RORA: variants seen among roughly 807,000 people sequenced by gnomAD.
The protein encoded by RORA is RAR related orphan receptor A.
Under a neutral mutation model 69.5 loss-of-function variants are expected in RORA, and 7 were observed. The observed-to-expected ratio is 0.10, with a 90% CI of 0.06 to 0.19. RORA has a LOEUF of 0.19. RORA is among the 10% of genes least tolerant of loss of function. RORA has a pLI of 1.00. For missense variants in RORA, 457 were observed against 663.0 expected, an observed-to-expected ratio of 0.69 and a Z score of 3.41; for synonymous variants, 261 against 240.8, an observed-to-expected ratio of 1.08 and a Z score of -0.78.
At chr15:60,678,792 G>T (rs770753545) in intron 1 of RORA, 106 bp from the exon 2 acceptor site, 107 of 931,648 alleles carry the variant, frequency 1.1e-4, no homozygotes, top group Non-Finnish European at 1.8e-4. Context: ...TTCAGATGGG[G>T]AAGTGGAAGC....
At chr15:61,056,871 G>A (rs2078103897) in intron 1 of RORA, among the ~76,000 whole-genome samples, 2 of 152,204 alleles carry the variant, frequency 1.3e-5, no homozygotes, top group Non-Finnish European at 1.5e-5. Context: ...TTTCCAAAGG[G>A]CTTCTCACAG....
chr15:61,029,967 C>T (rs1277720449), intron 1 of RORA, among the ~76,000 whole-genome samples: 1 of 152,086 alleles, frequency 6.6e-6, no homozygotes, highest in African/African-American at 2.4e-5. Context: ...ATGATCCTGC[C>T]CCAGTGAGAT....
intron 1 of RORA, among the ~76,000 whole-genome samples, chr15:61,083,343 G>T (rs762577951): frequency 5.3e-5 from 8 of 152,240 alleles, no homozygotes; most frequent in Non-Finnish European, 2.9e-5. Flanking sequence ...GCCTAGTTCC[G>T]GTAGGGATCA....
rs961747173 is a variant in RORA, at chr15:61,213,841, T to C, written c.166+15212A>G. ...ACACATAGTAAGTGCACAAGAATAT[T>C]TGATGGATCAATGCAAGGAGGCGAT... On this transcript the variant is annotated intron_variant, in intron 1 of 10. Transcript: ENST00000335670. This position sits in a 1 kb window ranked among gnomAD's most constrained non-coding sequence, Gnocchi z 4.1. The C allele has an allele frequency of 2.0e-5, 3 of 152,212 alleles. No homozygotes were observed. Among genetic ancestry groups the C allele is most frequent in the Non-Finnish European group, 4.4e-5 (3 of 68,038 alleles). 9.4% of individuals were successfully genotyped at this position (152,212 alleles called of 1,614,324 possible). A position where few individuals can be genotyped will look rare whatever the true frequency, so the allele number is the denominator to read the frequency against.
At chr15:60,757,619 C>T (rs889516693) in intron 1 of RORA, among the ~76,000 whole-genome samples, 1 of 152,196 alleles carries the variant, frequency 6.6e-6, no homozygotes, top group African/African-American at 2.4e-5. Flanking sequence ...GTATTTATTA[C>T]TATCTGACAC....
intron 1 of RORA, among the ~76,000 whole-genome samples, chr15:60,770,991 T>C (rs2072064595): frequency 6.6e-6 from 1 of 152,228 alleles, no homozygotes; most frequent in Non-Finnish European, 1.5e-5. Context: ...ATTTGGGACA[T>C]AATTATATCA....
In RORA at chr15:60,675,214, C is replaced by T. The variant is rs1335857129; in HGVS notation, c.196+3443G>A. 2.0e-5 allele frequency among the ~76,000 whole-genome samples: 3 copies of T among 152,192 alleles called. No homozygotes were observed. The East Asian group carries it at 5.8e-4, about 29-fold the overall frequency. ...GTCCTTGGCAAATAATAAAAACCAACACAGCAGCTGATTCCGAAAATGATA... is the reference window on the plus strand; with the variant it reads ...GTCCTTGGCAAATAATAAAAACCAATACAGCAGCTGATTCCGAAAATGATA... On this transcript the variant is annotated intron_variant, in intron 2 of 10. Coordinates refer to ENST00000335670, the MANE Select transcript of RORA (RefSeq NM_134261.3).
chr15:60,723,253 A>C (rs1362236291), intron 1 of RORA, among the ~76,000 whole-genome samples: 1 of 152,190 alleles, frequency 6.6e-6, no homozygotes, highest in East Asian at 1.9e-4. Context: ...TTATTTTAGC[A>C]ATAGCAGCTA....
chr15:61,029,445 C>T (rs566937281), intron 1 of RORA, among the ~76,000 whole-genome samples: 2 of 151,980 alleles, frequency 1.3e-5, no homozygotes, highest in Non-Finnish European at 2.9e-5. Context: ...GGGCTTTAAG[C>T]AGGAAAGAGG....
intron 3 of RORA, among the ~76,000 whole-genome samples, chr15:60,518,370 T>G (rs1159066714): frequency 6.6e-6 from 1 of 151,396 alleles, no homozygotes; most frequent in African/African-American, 2.5e-5. Context: ...GGCATGAGGA[T>G]GATGATGACA....
At chr15:61,080,079 A>T (rs1340009056) in intron 1 of RORA, among the ~76,000 whole-genome samples, 1 of 152,216 alleles carries the variant, frequency 6.6e-6, no homozygotes, top group African/African-American at 2.4e-5. Context: ...GAGCTGGTTC[A>T]TGGGAGCTGC....
intron 1 of RORA, among the ~76,000 whole-genome samples, chr15:60,903,204 T>A (rs1891439331): frequency 6.6e-6 from 1 of 152,076 alleles, no homozygotes; most frequent in Non-Finnish European, 1.5e-5. Flanking sequence ...GAGAAGACAA[T>A]GTAGACTCCT....
intron 1 of RORA, among the ~76,000 whole-genome samples, chr15:60,827,969 T>C (rs1429541421): frequency 6.6e-6 from 1 of 152,220 alleles, no homozygotes; most frequent in Non-Finnish European, 1.5e-5. Context: ...TGGTGCTCAA[T>C]TAGTACTGGA....
chr15:60,691,091 A>G (rs2070816075), intron 1 of RORA, among the ~76,000 whole-genome samples: 1 of 152,048 alleles, frequency 6.6e-6, no homozygotes, highest in South Asian at 2.1e-4. Context: ...TAAAGCTCTA[A>G]GCTTGCTCCA....
chr15:61,030,496 G>C (rs973410855), intron 1 of RORA, among the ~76,000 whole-genome samples: 4 of 152,174 alleles, frequency 2.6e-5, no homozygotes, highest in African/African-American at 9.7e-5. Flanking sequence ...CCATGTGAGA[G>C]GTAGAGTGGG....
chr15:61,103,213 G>A (rs1356301238), intron 1 of RORA, among the ~76,000 whole-genome samples: 1 of 152,138 alleles, frequency 6.6e-6, no homozygotes, highest in Non-Finnish European at 1.5e-5. Flanking sequence ...CTCCTGGGCG[G>A]GGCTGAGGAA....
chr15:61,110,066 G>A (rs1047290790), intron 1 of RORA, among the ~76,000 whole-genome samples: 1 of 152,134 alleles, frequency 6.6e-6, no homozygotes, highest in Non-Finnish European at 1.5e-5. Context: ...TGGTGATGCT[G>A]GTGTAAACAA....
intron 2 of RORA, among the ~76,000 whole-genome samples, chr15:60,553,230 T>A (rs2067271706): frequency 6.6e-6 from 1 of 152,220 alleles, no homozygotes; most frequent in Non-Finnish European, 1.5e-5. Flanking sequence ...CAGGAATTAC[T>A]GCTTTATCCT....
At chr15:60,965,331 T>C (rs995237696) in intron 1 of RORA, among the ~76,000 whole-genome samples, 1 of 152,160 alleles carries the variant, frequency 6.6e-6, no homozygotes, top group African/African-American at 2.4e-5. Context: ...TGGCAAAATA[T>C]CACCCTCTTC....
Sources: allele counts gnomAD v4.1 joint callset (sites outside exome capture counted in the v4.1 genomes callset), GRCh38; gene constraint gnomAD v4.1.1; non-coding constraint Gnocchi (gnomAD v3.1); transcripts MANE v1.5; gene names NCBI Gene and HGNC (gene_info 2026-07-23, HGNC 2026-07-21).